ZP2: variants seen among roughly 807,000 people sequenced by gnomAD.
ZP2 encodes the protein zona pellucida glycoprotein 2.
ZP2 carries 51 observed loss-of-function variants against 84.0 expected under a neutral mutation model. The ratio of observed to expected loss-of-function variants is 0.61; its 90% CI spans 0.49 to 0.77. The LOEUF (loss-of-function observed/expected upper bound fraction) is 0.77, where lower values mean the gene tolerates loss of function less well. Ranked by LOEUF, ZP2 falls within the 30% of genes least tolerant of loss-of-function variation. The pLI, the probability that ZP2 is intolerant of heterozygous loss-of-function variation, is 0.00. For synonymous variants in ZP2, 375 were observed against 330.9 expected (o/e 1.13, Z -1.45); for missense variants, 909 against 911.9 (o/e 1.00, Z 0.04).
chr16:21,213,910 A>G (rs1349389966), upstream of ZP2, among the ~76,000 whole-genome samples: 1 of 152,012 alleles, frequency 6.6e-6, no homozygotes, highest in Non-Finnish European at 1.5e-5. Context: ...ATTAGAGGAA[A>G]AAGGAGCATA....
rs781447977 is a variant in ZP2, at chr16:21,204,331, GAGA to G, written c.764_766del (p.Phe255del). On this transcript the variant is annotated inframe_deletion, in exon 8 of 19. Coordinates refer to ENST00000574091, the MANE Select transcript of ZP2 (RefSeq NM_001376232.1). ...ACCTGGTGCACAAATAGCTTGTGAAGAGAAGATCACCTTCTGTCCAGGAGATAT... is the reference window on the plus strand; with the variant it reads ...ACCTGGTGCACAAATAGCTTGTGAAGAGATCACCTTCTGTCCAGGAGATAT... The G allele has an allele frequency of 6.2e-7, 1 of 1,614,084 alleles. No homozygotes were observed. Among genetic ancestry groups the G allele is most frequent in the South Asian group, 1.1e-5 (1 of 91,064 alleles).
chr16:21,203,830 A>T, intron 9 of ZP2, 200 bp downstream of exon 9: 1 of 620,004 alleles, frequency 1.6e-6, no homozygotes, highest in Non-Finnish European at 2.8e-6. Flanking sequence ...GAAGTTAAAG[A>T]GGTTTTGTGT....
chr16:21,203,073 A>G lies in ZP2; in HGVS notation c.1099+52T>C. On this transcript the variant is annotated intron_variant, in intron 10 of 18. Coordinates refer to ENST00000574091, the MANE Select transcript of ZP2 (RefSeq NM_001376232.1). ...CTTCTATACATTTGCCCACATGTACAAGAGCCAAGGGAGAAAAAAGGTAGA... is the reference window on the plus strand; with the variant it reads ...CTTCTATACATTTGCCCACATGTACGAGAGCCAAGGGAGAAAAAAGGTAGA... 6 of 1,592,656 alleles carry G rather than the reference A, an allele frequency of 3.8e-6. No individual in the cohort carries two copies. The Admixed American group carries it at 8.6e-5, about 23-fold the overall frequency.
chr16:21,200,778 C>G (rs1210803553), intron 14 of ZP2, among the ~76,000 whole-genome samples: 1 of 152,178 alleles, frequency 6.6e-6, no homozygotes, highest in African/African-American at 2.4e-5. Context: ...AGCACTGTGC[C>G]TGGCATATGG....
At position 21,201,689 on chromosome 16, in the gene ZP2, A is replaced by T. The variant is rs1398686046; in HGVS notation, c.1504+17T>A. ...TTTGAGATCATTTAAGCAATTTCAC[A>T]GACTGCAATCTCTTACCTGGGTAGC... On this transcript the variant is annotated intron_variant, in intron 13 of 18. Transcript: ENST00000574091. The T allele has an allele frequency of 6.2e-7, 1 of 1,614,006 alleles. No homozygotes were observed. Among genetic ancestry groups the T allele is most frequent in the Non-Finnish European group, 8.5e-7 (1 of 1,179,984 alleles).
chr16:21,205,371 G>A, intron 7 of ZP2, 49 bp downstream of exon 7: 2 of 1,588,512 alleles, frequency 1.3e-6, no homozygotes, highest in Non-Finnish European at 1.7e-6. Context: ...TTCAATTTAG[G>A]AATACTGGCC....
At chr16:21,199,395 T>C (rs978213313) in intron 16 of ZP2, among the ~76,000 whole-genome samples, 175 bp downstream of exon 16, 1 of 150,554 alleles carries the variant, frequency 6.6e-6, no homozygotes, top group African/African-American at 2.5e-5. Flanking sequence ...AAGAAACTGT[T>C]CATCTTAGAC....
rs1021603338 is a variant in ZP2, at chr16:21,201,758, T to G, written c.1452A>C (p.Pro484=). The G allele has an allele frequency of 6.2e-7, 1 of 1,614,104 alleles. No homozygotes were observed. The highest frequency in any genetic ancestry group is 2.2e-5 in the East Asian group (1 of 44,880). ...LNINVESLTP[P]VASVKLGPFT... ...ATGGACCCAACTTCACTGAGGCCACTGGAGGAGTAAGGCTTTCAACGTTGA... is the reference window on the plus strand; with the variant it reads ...ATGGACCCAACTTCACTGAGGCCACGGGAGGAGTAAGGCTTTCAACGTTGA... The change falls in exon 13 of 19, where the codon CCA becomes CCC. Residue 484 remains proline (P), a synonymous_variant. Coordinates refer to ENST00000574091, the MANE Select transcript of ZP2 (RefSeq NM_001376232.1).
At position 21,209,689 on chromosome 16, in the gene ZP2, A is replaced by T. The variant is rs755332082; in HGVS notation, c.272T>A (p.Ile91Asn). The change falls in exon 4 of 19, where the codon ATC becomes AAC. Residue 91 changes from isoleucine to asparagine, a missense_variant. Transcript: ENST00000574091. ...LGLDMPNCTYILDPEKLTLRA... is the reference protein window; with the variant it reads ...LGLDMPNCTYNLDPEKLTLRA... ...CAGGGTGAGCTTTTCTGGGTCCAGG[A>T]TGTAAGTGCAGTTCGGCATGTCGAG... The T allele has an allele frequency of 1.4e-5, 22 of 1,614,010 alleles. No individual in the cohort carries two copies. The East Asian group carries it at 4.7e-4, about 34-fold the overall frequency.
intron 5 of ZP2, chr16:21,206,044 C>T: frequency 2.1e-6 from 1 of 473,722 alleles, no homozygotes; most frequent in Non-Finnish European, 3.9e-6. Flanking sequence ...ATCGCCCAGG[C>T]TGGAGTGCAA....
chr16:21,199,805 A>T lies in ZP2; in HGVS notation c.1768T>A (p.Tyr590Asn), dbSNP rs2093217075. The T allele has an allele frequency of 6.2e-7, 1 of 1,613,882 alleles. No individual in the cohort carries two copies. Among genetic ancestry groups the T allele is most frequent in the African/African-American group, 1.3e-5 (1 of 74,928 alleles). ...AAAGCCTTCATGTCAAACCTCTGAT[A>T]GTGATCAGGATGGGTCACAGAGGAG... is the stretch of plus-strand genomic sequence containing the variant. ...VGSSVTHPDH[Y>N]QRFDMKAFAF... The change falls in exon 15 of 19, where the codon TAT (tyrosine) becomes AAT (asparagine). Residue 590 changes from tyrosine (Y) to asparagine (N), a missense_variant. Physicochemically the swap from Tyr to Asn is moderately radical, Grantham distance 143 (BLOSUM62 -2). Transcript: ENST00000574091.
chr16:21,200,755 A>T (rs2093221268), intron 14 of ZP2, among the ~76,000 whole-genome samples: 1 of 152,198 alleles, frequency 6.6e-6, no homozygotes, highest in Admixed American at 6.5e-5. Flanking sequence ...CAACTAGTGG[A>T]TGTGGAATAC....
chr16:21,203,889 A>T, intron 9 of ZP2, 141 bp downstream of exon 9: 1 of 813,086 alleles, frequency 1.2e-6, no homozygotes, highest in Non-Finnish European at 2.0e-6. Flanking sequence ...CAAGATGATC[A>T]AATGAGGCCT....
At chr16:21,208,278 A>G (rs925551094) in intron 4 of ZP2, among the ~76,000 whole-genome samples, 1 of 152,202 alleles carries the variant, frequency 6.6e-6, no homozygotes, top group African/African-American at 2.4e-5. Flanking sequence ...CCTTAGTCTA[A>G]GGGAATGCGA....
upstream of ZP2, among the ~76,000 whole-genome samples, chr16:21,213,413 G>A (rs563094029): frequency 6.6e-6 from 1 of 152,320 alleles, no homozygotes; most frequent in African/African-American, 2.4e-5. Context: ...ATTGATTCAT[G>A]TGTTGCCTTT....
intron 4 of ZP2, 59 bp downstream of exon 4, chr16:21,209,572 G>A (rs1427613055): frequency 4.0e-6 from 6 of 1,504,436 alleles, no homozygotes; most frequent in Non-Finnish European, 4.6e-6. Context: ...CAAGTTTACT[G>A]CCAGTAACTC....
upstream of ZP2, among the ~76,000 whole-genome samples, chr16:21,213,650 C>T (rs534312641): frequency 6.6e-5 from 10 of 152,150 alleles, no homozygotes; most frequent in African/African-American, 2.2e-4. Flanking sequence ...TTGGAGGGAG[C>T]GAGGCGAGAA....
intron 14 of ZP2, among the ~76,000 whole-genome samples, chr16:21,200,103 G>C (rs2093218354): frequency 6.6e-6 from 1 of 152,122 alleles, no homozygotes; most frequent in South Asian, 2.1e-4. Flanking sequence ...GTACCTGTTT[G>C]CCAACTACAT....
In ZP2 at chr16:21,204,306, A is replaced by C. The variant is rs759770475; in HGVS notation, c.790+2T>G. ...TGAGGTTGCAGCTATCTGGGACCTTACCTGGTGCACAAATAGCTTGTGAAG... is the reference window on the plus strand; with the variant it reads ...TGAGGTTGCAGCTATCTGGGACCTTCCCTGGTGCACAAATAGCTTGTGAAG... On this transcript the variant is annotated splice_donor_variant, in intron 8 of 18. Transcript: ENST00000574091. LOFTEE classifies it high-confidence loss of function. 3.7e-6 allele frequency: 6 copies of C among 1,614,080 alleles called. 1 individual carries two copies. The South Asian group carries it at 6.6e-5, about 18-fold the overall frequency.
Sources: gnomAD v4.1 joint callset for allele counts (sites outside exome capture counted in the v4.1 genomes callset) on GRCh38, gnomAD v4.1.1 for gene constraint, MANE v1.5 for transcripts, NCBI Gene and HGNC (gene_info 2026-07-23, HGNC 2026-07-21) for gene names.